The following PEAK1 variants were observed in gnomAD, a reference collection of about 807,000 sequenced individuals.
PEAK1 encodes pseudopodium enriched atypical kinase 1, also known as inactive tyrosine-protein kinase PEAK1.
In PEAK1, 54 loss-of-function variants were observed where a neutral mutation model predicts 124.7. The observed-to-expected ratio is 0.43, with a 90% CI of 0.35 to 0.54. The LOEUF (loss-of-function observed/expected upper bound fraction) is 0.54, where lower values mean the gene tolerates loss of function less well. Ranked by LOEUF, PEAK1 falls within the 20% of genes least tolerant of loss-of-function variation. PEAK1 has a pLI of 0.01. For missense variants in PEAK1, 2,046 were observed against 2,134.5 expected, an observed-to-expected ratio of 0.96 and a Z score of 0.82; for synonymous variants, 719 against 760.0, an observed-to-expected ratio of 0.95 and a Z score of 0.89.
At chr15:77,194,101 T>C (rs551022456) in intron 6 of PEAK1, among the ~76,000 whole-genome samples, 45 of 152,304 alleles carry the variant, frequency 3.0e-4, no homozygotes, top group Admixed American at 2.0e-3. Flanking sequence ...ACCATAACAG[T>C]AAATGGTATC....
intron 6 of PEAK1, among the ~76,000 whole-genome samples, chr15:77,219,030 T>C (rs527809335): frequency 6.6e-6 from 1 of 152,272 alleles, no homozygotes; most frequent in South Asian, 2.1e-4. Context: ...AATTGTTGAA[T>C]ACCAGCTAGA....
intron 2 of PEAK1, among the ~76,000 whole-genome samples, chr15:77,295,353 T>A (rs1354817277): frequency 6.6e-6 from 1 of 152,058 alleles, no homozygotes; most frequent in African/African-American, 2.4e-5. Context: ...AAAAGACATT[T>A]TAAAACAAAA....
At chr15:77,335,332 T>C (rs1435320709) in intron 2 of PEAK1, 3 of 985,344 alleles carry the variant, frequency 3.0e-6, no homozygotes, top group Admixed American at 6.1e-5. Flanking sequence ...CTCTAGCTTC[T>C]AATACACATG....
chr15:77,372,232 A>C (rs1460671430), intron 1 of PEAK1, among the ~76,000 whole-genome samples: 1 of 152,340 alleles, frequency 6.6e-6, no homozygotes, highest in East Asian at 1.9e-4. Context: ...GAATTATTCA[A>C]GCATGTACAA....
In PEAK1 at chr15:77,308,903, A is replaced by C. The variant is rs1597222442; in HGVS notation, c.-602-22399T>G. ...AAAGCTGGGTCAATAACATGACATC[A>C]TGAAAAAGTTACTGTATACAATACA... On this transcript the variant is annotated intron_variant, in intron 2 of 9. Coordinates refer to ENST00000682557, the MANE Select transcript of PEAK1 (RefSeq NM_001385026.1). Among the ~76,000 whole-genome samples, 3 of 152,198 alleles carry C rather than the reference A, an allele frequency of 2.0e-5. No homozygotes were observed. In the East Asian group the frequency reaches 5.8e-4, roughly 29 times the overall value.
intron 6 of PEAK1, among the ~76,000 whole-genome samples, chr15:77,232,699 C>G (rs150309850): frequency 1.3e-5 from 2 of 152,302 alleles, no homozygotes; most frequent in East Asian, 3.9e-4. Flanking sequence ...GCCAGGATCT[C>G]ATCCACTTGT....
chr15:77,105,349 T>TGCGC (rs1461421717), downstream of PEAK1: 302 of 128,292 alleles, frequency 2.4e-3, 1 homozygote, highest in African/African-American at 9.8e-3. Flanking sequence ...TGTGTGTGTG[T>TGCGC]GTGTGTGTGC....
intron 7 of PEAK1, among the ~76,000 whole-genome samples, chr15:77,164,536 G>C (rs1160301037): frequency 6.6e-6 from 1 of 152,140 alleles, no homozygotes; most frequent in East Asian, 1.9e-4. Context: ...TAAGGCACCA[G>C]ATTACAAGAC....
At chr15:77,234,054 T>C (rs1023556277) in intron 6 of PEAK1, among the ~76,000 whole-genome samples, 4 of 152,086 alleles carry the variant, frequency 2.6e-5, no homozygotes, top group Non-Finnish European at 5.9e-5. Flanking sequence ...TTTGTAGAGA[T>C]GGGATCTTGC....
chr15:77,296,863 G>A (rs1217962800), intron 2 of PEAK1, among the ~76,000 whole-genome samples: 2 of 151,476 alleles, frequency 1.3e-5, no homozygotes, highest in South Asian at 2.1e-4. Flanking sequence ...GGGAGAGAAC[G>A]AGACAAAGGA....
chr15:77,193,397 T>C (rs1014500090), intron 6 of PEAK1, among the ~76,000 whole-genome samples: 5 of 152,230 alleles, frequency 3.3e-5, no homozygotes, highest in African/African-American at 1.2e-4. Flanking sequence ...TATAATTTAA[T>C]GAATTATAGC....
intron 2 of PEAK1, among the ~76,000 whole-genome samples, chr15:77,298,210 T>G (rs2063607463): frequency 4.6e-5 from 1 of 21,568 alleles, no homozygotes; most frequent in Non-Finnish European, 9.8e-5. Context: ...TTTTTTTTTT[T>G]TTTTTTTTTT....
At chr15:77,370,484 G>C (rs1484625356) in intron 1 of PEAK1, among the ~76,000 whole-genome samples, 1 of 152,166 alleles carries the variant, frequency 6.6e-6, no homozygotes, top group African/African-American at 2.4e-5. Context: ...GGACGTTCCA[G>C]GCAGTGGAAA....
chr15:77,206,495 CCTGA>C (rs1302803458), intron 6 of PEAK1, among the ~76,000 whole-genome samples: 2 of 149,622 alleles, frequency 1.3e-5, no homozygotes, highest in African/African-American at 4.9e-5. Context: ...CCTGTTGTTT[CCTGA>C]CTTTTTAATG....
chr15:77,329,221 T>C (rs1344495535), intron 2 of PEAK1, among the ~76,000 whole-genome samples: 2 of 152,180 alleles, frequency 1.3e-5, no homozygotes, highest in Admixed American at 6.5e-5. Context: ...AACAAAATTT[T>C]ATCTTGTCCT....
At chr15:77,212,515 G>C (rs1485054122) in intron 6 of PEAK1, among the ~76,000 whole-genome samples, 1 of 152,154 alleles carries the variant, frequency 6.6e-6, no homozygotes, top group African/African-American at 2.4e-5. Flanking sequence ...TTATACAATT[G>C]TGTCATCTAA....
At chr15:77,285,807 T>G (rs941029268) in intron 3 of PEAK1, among the ~76,000 whole-genome samples, 1 of 152,228 alleles carries the variant, frequency 6.6e-6, no homozygotes, top group African/African-American at 2.4e-5. Context: ...AAAAAACAGC[T>G]CCTGCATTCA....
chr15:77,349,378 A>G (rs1189403478), intron 2 of PEAK1: 11 of 983,862 alleles, frequency 1.1e-5, no homozygotes, highest in Non-Finnish European at 1.3e-5. Context: ...CTACAAAGAC[A>G]TAAATGTTTC....
rs377114947 is a variant in PEAK1 at position 77,179,252 on chromosome 15, T to C, written c.2675A>G (p.Asn892Ser). 47 of 1,613,974 alleles carry C rather than the reference T, an allele frequency of 2.9e-5. No homozygotes were observed. Among genetic ancestry groups the C allele is most frequent in the Non-Finnish European group, 3.7e-5 (44 of 1,180,028 alleles). ...AGNLLQRHFT[N>S]WTKPTSPTRS... ...GGTAGGGCTGGTTGGCTTGGTCCAG[T>C]TGGTGAAATGCCTCTGCAAAAGGTT... Residue 892 changes from asparagine to serine, a missense_variant, in exon 7 of 10, where the codon AAC (asparagine) becomes AGC (serine). By Grantham distance (46) the Asn-to-Ser change is conservative. Transcript: ENST00000682557.
Sources: allele counts gnomAD v4.1 joint callset (sites outside exome capture counted in the v4.1 genomes callset), GRCh38; gene constraint gnomAD v4.1.1; transcripts MANE v1.5; gene names NCBI Gene and HGNC (gene_info 2026-07-23, HGNC 2026-07-21).